The following PPP6R3 variants were observed in gnomAD, a reference collection of about 807,000 sequenced individuals.
The protein encoded by PPP6R3 is protein phosphatase 6 regulatory subunit 3, also known as serine/threonine-protein phosphatase 6 regulatory subunit 3.
Under a neutral mutation model 110.7 loss-of-function variants are expected in PPP6R3, and 38 were observed. The ratio of observed to expected loss-of-function variants is 0.34; its 90% CI spans 0.26 to 0.45. PPP6R3 has a LOEUF of 0.45. Among genes scored for constraint, PPP6R3 ranks in the 20% least tolerant of loss-of-function variants. PPP6R3 has a pLI of 1.00. For missense variants in PPP6R3, 870 were observed against 1,062.4 expected (o/e 0.82, Z 2.52); for synonymous variants, 369 against 373.5 (o/e 0.99, Z 0.14).
chr11:68,566,940 G>A (rs1208094645), intron 9 of PPP6R3, 74 bp from the exon 10 acceptor site: 3 of 1,361,162 alleles, frequency 2.2e-6, no homozygotes, highest in Non-Finnish European at 3.0e-6. Context: ...TTAAACTAGT[G>A]TCATGTCTTA....
intron 4 of PPP6R3, among the ~76,000 whole-genome samples, chr11:68,546,691 A>G (rs1344674842): frequency 6.6e-6 from 1 of 152,230 alleles, no homozygotes; most frequent in African/African-American, 2.4e-5. Context: ...CAATAAAGGC[A>G]TTTGTTAGCT....
In PPP6R3 at chr11:68,591,245, C is replaced by T. The variant is rs1201892166; in HGVS notation, c.1786-331C>T. ...CTGGACTAGTAAAAGCAAATAAGTA[C>T]GGTTGCTTTTCCTTGCTAGGACAGA... On this transcript the variant is annotated intron_variant, in intron 17 of 23. Transcript: ENST00000393800. 3.9e-5 allele frequency among the ~76,000 whole-genome samples: 6 copies of T among 152,156 alleles called. No individual in the cohort carries two copies. In the South Asian group the frequency reaches 6.2e-4, roughly 16 times the overall value.
chr11:68,558,495 G>A (rs2099407639), intron 7 of PPP6R3, 71 bp from the exon 8 acceptor site: 4 of 925,454 alleles, frequency 4.3e-6, no homozygotes, highest in South Asian at 1.4e-5. Context: ...GTCTTGTACC[G>A]TCGTCTTTTT....
At chr11:68,573,574 C>A (rs1164254961) in intron 12 of PPP6R3, among the ~76,000 whole-genome samples, 1 of 152,136 alleles carries the variant, frequency 6.6e-6, no homozygotes, top group Admixed American at 6.6e-5. Flanking sequence ...AGTTGACTGT[C>A]TCCTATCTTG....
intron 9 of PPP6R3, among the ~76,000 whole-genome samples, chr11:68,566,512 C>T (rs979490899): frequency 6.6e-6 from 1 of 152,056 alleles, no homozygotes; most frequent in Non-Finnish European, 1.5e-5. Context: ...AGGTGTGCAT[C>T]ACCATGCCTG....
intron 14 of PPP6R3, among the ~76,000 whole-genome samples, chr11:68,581,489 G>A (rs2099554353): frequency 6.6e-6 from 1 of 152,232 alleles, no homozygotes; most frequent in Admixed American, 6.5e-5. Context: ...TTCTTTGCAT[G>A]GCCTTCTATT....
chr11:68,566,915 T>C (rs919346235), intron 9 of PPP6R3, 99 bp from the exon 10 acceptor site: 17 of 984,982 alleles, frequency 1.7e-5, no homozygotes, highest in African/African-American at 3.3e-5. Context: ...ATTCAGGCCA[T>C]GTTGTTTGCA....
intron 1 of PPP6R3, among the ~76,000 whole-genome samples, chr11:68,511,215 C>T (rs1475037952): frequency 5.3e-5 from 8 of 151,248 alleles, no homozygotes; most frequent in African/African-American, 7.3e-5. Context: ...TTAAGGCACG[C>T]GCCACCACGT....
intron 14 of PPP6R3, among the ~76,000 whole-genome samples, chr11:68,577,628 G>A (rs2099536913): frequency 6.6e-6 from 1 of 152,196 alleles, no homozygotes; most frequent in Admixed American, 6.5e-5. Context: ...TTACAATTCA[G>A]ATAATGCTCA....
At chr11:68,589,899 C>G (rs2099590033) in intron 16 of PPP6R3, among the ~76,000 whole-genome samples, 1 of 152,174 alleles carries the variant, frequency 6.6e-6, no homozygotes, top group Admixed American at 6.5e-5. Flanking sequence ...CTCATTTTAA[C>G]TCAAAAAGAG....
chr11:68,528,432 GT>G (rs142215692), intron 2 of PPP6R3, among the ~76,000 whole-genome samples: 4,347 of 35,088 alleles, frequency 0.12, 272 homozygotes, highest in African/African-American at 0.26. Flanking sequence ...ATTTGTGTGT[GT>G]GGGGGGGGGG....
At chr11:68,492,749 T>G (rs920808729) in intron 1 of PPP6R3, among the ~76,000 whole-genome samples, 7 of 152,200 alleles carry the variant, frequency 4.6e-5, no homozygotes, top group African/African-American at 1.7e-4. Context: ...AGGGTTCCAC[T>G]TTGCCCACAT....
At chr11:68,500,204 A>T (rs1436940958) in intron 1 of PPP6R3, among the ~76,000 whole-genome samples, 1 of 152,190 alleles carries the variant, frequency 6.6e-6, no homozygotes, top group Non-Finnish European at 1.5e-5. Flanking sequence ...CTTAGACTTG[A>T]AAGTTCTAGT....
chr11:68,590,884 G>C (rs958264877), intron 17 of PPP6R3, among the ~76,000 whole-genome samples, 170 bp downstream of exon 17: 50 of 152,138 alleles, frequency 3.3e-4, no homozygotes, highest in African/African-American at 1.2e-3. Context: ...GTGGGCATGT[G>C]ATTTTTGCAG....
At chr11:68,494,430 AAAAG>A (rs1441518239) in intron 1 of PPP6R3, among the ~76,000 whole-genome samples, 1 of 150,840 alleles carries the variant, frequency 6.6e-6, no homozygotes, top group Non-Finnish European at 1.5e-5. Context: ...AAAAAAAAAA[AAAAG>A]CTGGTACCTA....
chr11:68,517,665 C>T (rs1281298843), intron 1 of PPP6R3, among the ~76,000 whole-genome samples: 1 of 152,206 alleles, frequency 6.6e-6, no homozygotes, highest in Admixed American at 6.5e-5. Context: ...TGGCCAGGCA[C>T]AGTGGCTCAC....
At position 68,603,488 on chromosome 11, in the gene PPP6R3, A is replaced by T; in HGVS notation, c.2446A>T (p.Lys816Ter). Residue 816 changes from lysine (K) to a stop codon, truncating the protein, a stop_gained, in exon 22 of 24, where the codon AAA becomes TAA. Transcript: ENST00000393800. LOFTEE classifies it high-confidence loss of function. ...VDAKTETAVF[K>*]SEEGKLSTSQ... ...TGCCAAGACAGAGACTGCGGTCTTC[A>T]AAAGGTAACCAGGGGTGAGATCCTG... 6.2e-7 allele frequency: 1 copy of T among 1,614,118 alleles called. No homozygotes were observed. Among genetic ancestry groups the T allele is most frequent in the Non-Finnish European group, 8.5e-7 (1 of 1,179,962 alleles).
At position 68,574,182 on chromosome 11, in the gene PPP6R3, G is replaced by T; in HGVS notation, c.1417G>T (p.Asp473Tyr). The T allele has an allele frequency of 1.2e-6, 2 of 1,614,040 alleles. No homozygotes were observed. The highest frequency in any genetic ancestry group is 2.2e-5 in the South Asian group (2 of 91,058). The change falls in exon 13 of 24, where the codon GAC (aspartate) becomes TAC (tyrosine). Residue 473 changes from aspartate to tyrosine, a missense_variant. Coordinates refer to ENST00000393800, the MANE Select transcript of PPP6R3 (RefSeq NM_001164161.2). Reference protein sequence around the residue: ...RIANCIVHSTDKGPNSALVQQ... With the variant: ...RIANCIVHSTYKGPNSALVQQ... The stretch of plus-strand genomic sequence containing the variant: ...AGCTAACTGTATCGTGCACAGCACT[G>T]ACAAGGGCCCCAACAGTGCATTAGT...
intron 19 of PPP6R3, 123 bp downstream of exon 19, chr11:68,596,341 G>T (rs2099613835): frequency 1.5e-6 from 2 of 1,333,658 alleles, no homozygotes; most frequent in African/African-American, 2.9e-5. Flanking sequence ...GTTGAAGCGT[G>T]TTGTCAAGTG....
Sources: allele counts gnomAD v4.1 joint callset (sites outside exome capture counted in the v4.1 genomes callset), GRCh38; gene constraint gnomAD v4.1.1; transcripts MANE v1.5; gene names NCBI Gene and HGNC (gene_info 2026-07-23, HGNC 2026-07-21).